GPR179: variants seen among roughly 807,000 people sequenced by gnomAD.
The protein encoded by GPR179 is G protein-coupled receptor 179.
GPR179 carries 52 observed loss-of-function variants against 70.8 expected under a neutral mutation model. That is an observed-to-expected ratio of 0.73 (90% CI 0.59 to 0.93). The LOEUF is 0.93. Among genes scored for constraint, GPR179 ranks in the 40% least tolerant of loss-of-function variants. GPR179 has a pLI of 0.00. For missense variants in GPR179, 2,734 were observed against 2,966.8 expected, an observed-to-expected ratio of 0.92 and a Z score of 1.82; for synonymous variants, 1,123 against 1,169.0, an observed-to-expected ratio of 0.96 and a Z score of 0.80.
intron 4 of GPR179, among the ~76,000 whole-genome samples, chr17:38,336,451 C>A (rs2037405037): frequency 6.6e-6 from 1 of 152,258 alleles, no homozygotes; most frequent in Non-Finnish European, 1.5e-5. Context: ...GAAGGGATCT[C>A]ATGCATTCCT....
In GPR179 at chr17:38,327,249, A is replaced by C; in HGVS notation, c.6320T>G (p.Val2107Gly). The C allele has an allele frequency of 6.2e-7, 1 of 1,614,156 alleles. No individual in the cohort carries two copies. The highest frequency in any genetic ancestry group is 8.5e-7 in the Non-Finnish European group (1 of 1,180,022). The change falls in exon 11 of 11, where the codon GTG (valine) becomes GGG (glycine). Residue 2107 changes from valine to glycine, a missense_variant. Val to Gly is a moderately radical substitution (Grantham distance 109, BLOSUM62 -3). Coordinates refer to ENST00000616987, the MANE Select transcript of GPR179 (RefSeq NM_001004334.4). ...ACACACTTCCGCTACCCTGGTCTCC[A>C]CACTGCCTGCTGCCTCAGAACTGCC... ...SRGSSEAAGSVETRVAEVCLW... is the reference protein window; with the variant it reads ...SRGSSEAAGSGETRVAEVCLW...
At position 38,329,160 on chromosome 17, in the gene GPR179, G is replaced by A. The variant is rs766787200; in HGVS notation, c.4409C>T (p.Ala1470Val). ...AEVCLWEAGD[A>V]PAIQKAEICP... ...GATCTCTGCTTTCTGGATAGCAGGAGCATCTCCTGCCTCCCACAGACACAC... is the reference window on the plus strand; with the variant it reads ...GATCTCTGCTTTCTGGATAGCAGGAACATCTCCTGCCTCCCACAGACACAC... Residue 1470 changes from alanine (A) to valine (V), a missense_variant, in exon 11 of 11, where the codon GCT (alanine) becomes GTT (valine). Coordinates refer to ENST00000616987, the MANE Select transcript of GPR179 (RefSeq NM_001004334.4). 11 of 1,613,822 alleles carry A rather than the reference G, an allele frequency of 6.8e-6. No homozygotes were observed. The highest frequency in any genetic ancestry group is 5.1e-6 in the Non-Finnish European group (6 of 1,180,012).
intron 9 of GPR179, 25 bp from the exon 10 acceptor site, chr17:38,333,422 A>G (rs1435757347): frequency 6.2e-7 from 1 of 1,605,040 alleles, no homozygotes; most frequent in South Asian, 1.1e-5. Flanking sequence ...TAAGAGTGGG[A>G]AAAAGACTCG....
Position 38,339,477 on chromosome 17 carries a change from C to T in GPR179, c.843G>A (p.Gln281=). Reference sequence around the variant, plus strand: ...AGTACCAGCCTGGGCCACTTGCACACTGATTGATGTCCACACTCTGGAGAT... The same window carrying T: ...AGTACCAGCCTGGGCCACTTGCACATTGATTGATGTCCACACTCTGGAGAT... The part of the protein sequence containing the change: ...DVDLQSVDIN[Q]CASGPGWYSN... The change falls in exon 2 of 11, where the codon CAG becomes CAA. Residue 281 remains glutamine (Q), a synonymous_variant. Transcript: ENST00000616987. The T allele has an allele frequency of 6.2e-7, 1 of 1,614,126 alleles. No individual in the cohort carries two copies. The highest frequency in any genetic ancestry group is 8.5e-7 in the Non-Finnish European group (1 of 1,179,998).
chr17:38,330,876 G>A lies in GPR179; in HGVS notation c.2693C>T (p.Pro898Leu), dbSNP rs1325554802. 1.9e-6 allele frequency: 3 copies of A among 1,600,748 alleles called. No individual in the cohort carries two copies. Among genetic ancestry groups the A allele is most frequent in the Admixed American group, 1.7e-5 (1 of 57,840 alleles). Residue 898 changes from proline (P) to leucine (L), a missense_variant, in exon 11 of 11, where the codon CCC becomes CTC. Physicochemically the swap from Pro to Leu is moderately conservative, Grantham distance 98 (BLOSUM62 -3). Coordinates refer to ENST00000616987, the MANE Select transcript of GPR179 (RefSeq NM_001004334.4). ...ARRLERPRGA[P>L]LSAPPSPAKS... ...GGCAGGGGAAGGTGGAGCTGACAGG[G>A]GGGCCCCTCGAGGCCGCTCCAGCCT...
In GPR179 at chr17:38,330,128, G is replaced by A. The variant is rs377711366; in HGVS notation, c.3441C>T (p.Ser1147=). The change falls in exon 11 of 11, where the codon TCC becomes TCT. Residue 1147 remains serine, a synonymous_variant. Coordinates refer to ENST00000616987, the MANE Select transcript of GPR179 (RefSeq NM_001004334.4). ...AVSKQAALIP[S]DDKESLQNQQ... Reference sequence around the variant, plus strand: ...GGTTCTGGAGGGACTCCTTGTCATCGGAGGGGATAAGAGCGGCCTGCTTAC... The same window carrying A: ...GGTTCTGGAGGGACTCCTTGTCATCAGAGGGGATAAGAGCGGCCTGCTTAC... 4.9e-4 allele frequency: 781 copies of A among 1,606,624 alleles called. No homozygotes were observed. The highest frequency in any genetic ancestry group is 5.3e-4 in the Non-Finnish European group (625 of 1,175,998).
At position 38,330,035 on chromosome 17, in the gene GPR179, GTCT is replaced by G. The variant is rs1567723525; in HGVS notation, c.3531_3533del (p.Glu1177del). Reference sequence around the variant, plus strand: ...GACCCTGGGTCATCCTCCTGCCTCTGTCTTCTTGTTCCCTGCTGCCCTCCCGTT... The same window carrying G: ...GACCCTGGGTCATCCTCCTGCCTCTGTCTTGTTCCCTGCTGCCCTCCCGTT... On this transcript the variant is annotated inframe_deletion, in exon 11 of 11. Transcript: ENST00000616987. 7.4e-6 allele frequency: 12 copies of G among 1,614,110 alleles called. No individual in the cohort carries two copies. Among genetic ancestry groups the G allele is most frequent in the Middle Eastern group, 1.6e-4 (1 of 6,084 alleles).
chr17:38,337,519 C>T (rs746518258), intron 3 of GPR179, 114 bp downstream of exon 3: 1 of 928,986 alleles, frequency 1.1e-6, no homozygotes, highest in Non-Finnish European at 1.7e-6. Flanking sequence ...TCTGCCCTTG[C>T]CCCACAAGTT....
chr17:38,331,013 G>A lies in GPR179; in HGVS notation c.2556C>T (p.Leu852=), dbSNP rs777488974. The A allele has an allele frequency of 1.2e-5, 19 of 1,610,920 alleles. No homozygotes were observed. Among genetic ancestry groups the A allele is most frequent in the Non-Finnish European group, 1.4e-5 (17 of 1,179,962 alleles). The change falls in exon 11 of 11, where the codon CTC becomes CTT. Residue 852 remains leucine (L), a synonymous_variant. Transcript: ENST00000616987. ...CCTCCAGGTAGGCCTGGCTGGCCAT[G>A]AGCAAGGCCTTTTCCCTGGAGCTGG... ...SVASSREKAL[L]MASQAYLEET... is the part of the protein sequence containing the mutation.
Position 38,329,943 on chromosome 17 carries a change from T to C in GPR179, c.3626A>G (p.Asp1209Gly), listed in dbSNP as rs1383384736. ...GLAMLRQVSR[D>G]KNIKQSKETP... ...TTCTTTTGATTGCTTGATGTTTTTG[T>C]CCCTGGAAACTTGCCTCAGCATGGC... The change falls in exon 11 of 11, where the codon GAC (aspartate) becomes GGC (glycine). Residue 1209 changes from aspartate (D) to glycine (G), a missense_variant. Transcript: ENST00000616987. The C allele has an allele frequency of 1.2e-6, 2 of 1,614,198 alleles. No homozygotes were observed. The highest frequency in any genetic ancestry group is 1.7e-6 in the Non-Finnish European group (2 of 1,180,034).
At position 38,331,424 on chromosome 17, in the gene GPR179, C is replaced by G. The variant is rs1310412493; in HGVS notation, c.2145G>C (p.Leu715=). The G allele has an allele frequency of 6.2e-7, 1 of 1,614,184 alleles. No individual in the cohort carries two copies. The highest frequency in any genetic ancestry group is 2.2e-5 in the East Asian group (1 of 44,876). ...CCAGGTACCTCATGAAGGAGCGGCC[C>G]AGTCCCTGGCATGAGCTGCCTCGCT... The part of the protein sequence containing the change: ...PKKRGSSCQG[L]GRSFMRYLAE... The change falls in exon 11 of 11, where the codon CTG becomes CTC. Residue 715 remains leucine (L), a synonymous_variant. Coordinates refer to ENST00000616987, the MANE Select transcript of GPR179 (RefSeq NM_001004334.4).
chr17:38,328,015 G>C lies in GPR179; in HGVS notation c.5554C>G (p.Leu1852Val), dbSNP rs765405295. The change falls in exon 11 of 11, where the codon CTC becomes GTC. Residue 1852 changes from leucine to valine, a missense_variant. Physicochemically the swap from Leu to Val is conservative, Grantham distance 32. Coordinates refer to ENST00000616987, the MANE Select transcript of GPR179 (RefSeq NM_001004334.4). ...GATACGTCTTCTCCCAGGGAAGTGA[G>C]TCTCCCCTTTTCTAGAGCTTTCTCC... is the stretch of plus-strand genomic sequence containing the variant. Reference protein sequence around the residue: ...QREKALEKGRLTSLGEDVSKG... With the variant: ...QREKALEKGRVTSLGEDVSKG... 1 of 1,614,004 alleles carries C rather than the reference G, an allele frequency of 6.2e-7. No homozygotes were observed. Among genetic ancestry groups the C allele is most frequent in the Non-Finnish European group, 8.5e-7 (1 of 1,179,954 alleles).
In GPR179 at chr17:38,343,862, G is replaced by T; in HGVS notation, c.-73C>A. ...AGGCAGAGGCTGGCTGCAGTCTGGGGGCTGTCGGCCTCCACGCCTCCTATG... is the reference window on the plus strand; with the variant it reads ...AGGCAGAGGCTGGCTGCAGTCTGGGTGCTGTCGGCCTCCACGCCTCCTATG... On this transcript the variant is annotated 5_prime_UTR_variant, in exon 1 of 11. Transcript: ENST00000616987. The surrounding 1 kb of genome is among the most constrained non-coding windows in gnomAD (Gnocchi z 4.2). 1 of 1,279,186 alleles carries T rather than the reference G, an allele frequency of 7.8e-7. No homozygotes were observed. Among genetic ancestry groups the T allele is most frequent in the African/African-American group, 1.5e-5 (1 of 66,770 alleles). 79.2% of individuals were successfully genotyped at this position (1,279,186 alleles called of 1,614,324 possible). A position where few individuals can be genotyped will look rare whatever the true frequency, so the allele number is the denominator to read the frequency against.
At position 38,330,007 on chromosome 17, in the gene GPR179, C is replaced by T. The variant is rs748066217; in HGVS notation, c.3562G>A (p.Gly1188Arg). ...DRGRRMTQGL[G>R]ERKAERAGKT... ...CCTGCTCTCTCAGCTTTCCGTTCCCCTAGACCCTGGGTCATCCTCCTGCCT... is the reference window on the plus strand; with the variant it reads ...CCTGCTCTCTCAGCTTTCCGTTCCCTTAGACCCTGGGTCATCCTCCTGCCT... Residue 1188 changes from glycine to arginine, a missense_variant, in exon 11 of 11, where the codon GGG becomes AGG. Gly to Arg is a moderately radical substitution (Grantham distance 125). Coordinates refer to ENST00000616987, the MANE Select transcript of GPR179 (RefSeq NM_001004334.4). 8 of 1,614,220 alleles carry T rather than the reference C, an allele frequency of 5.0e-6. No individual in the cohort carries two copies. The highest frequency in any genetic ancestry group is 1.3e-5 in the African/African-American group (1 of 75,040).
chr17:38,330,220 C>CGCTGTTCTGCCCCTCGGG lies in GPR179; in HGVS notation c.3331_3348dup (p.Pro1111_Ser1116dup). On this transcript the variant is annotated inframe_insertion, in exon 11 of 11. Coordinates refer to ENST00000616987, the MANE Select transcript of GPR179 (RefSeq NM_001004334.4). ...GCCCCCATACTCTCTCCCGCAGTCC[C>CGCTGTTCTGCCCCTCGGG]GCTGTTCTGCCCCTCGGGACTCTCC... 6.4e-7 allele frequency: 1 copy of CGCTGTTCTGCCCCTCGGG among 1,572,114 alleles called. No individual in the cohort carries two copies.
chr17:38,343,743 A>G lies in GPR179; in HGVS notation c.47T>C (p.Leu16Pro). 1 of 1,547,014 alleles carries G rather than the reference A, an allele frequency of 6.5e-7. No homozygotes were observed. Among genetic ancestry groups the G allele is most frequent in the Non-Finnish European group, 8.7e-7 (1 of 1,146,350 alleles). Residue 16 changes from leucine (L) to proline (P), a missense_variant, in exon 1 of 11, where the codon CTG (leucine) becomes CCG (proline). By Grantham distance (98) the Leu-to-Pro change is moderately conservative (BLOSUM62 -3). Coordinates refer to ENST00000616987, the MANE Select transcript of GPR179 (RefSeq NM_001004334.4). This position sits in a 1 kb window ranked among gnomAD's most constrained non-coding sequence, Gnocchi z 4.2. ...CCAGGCACAGACAAAACAGCAGCCC[A>G]GCAGCCCCCACATAGGAGGGGGCAT... ...AVMPPPMWGL[L>P]GCCFVCAWAL...
In GPR179 at chr17:38,334,714, G is replaced by C; in HGVS notation, c.1774C>G (p.His592Asp). Residue 592 changes from histidine to aspartate, a missense_variant, in exon 8 of 11, where the codon CAC (histidine) becomes GAC (aspartate). By Grantham distance (81) the His-to-Asp change is moderately conservative (BLOSUM62 -1). Transcript: ENST00000616987. The surrounding 1 kb of genome is among the most constrained non-coding windows in gnomAD (Gnocchi z 4.7). ...HNELLLSAAF[H>D]TARFVLVPSL... ...TGAGTCCGTCCTCACCTGGCTGTGT[G>C]GAAGGCAGCGGAAAGCAGTAGCTCA... The C allele has an allele frequency of 6.2e-7, 1 of 1,613,792 alleles. No individual in the cohort carries two copies. Among genetic ancestry groups the C allele is most frequent in the Non-Finnish European group, 8.5e-7 (1 of 1,179,960 alleles).
chr17:38,328,661 T>C lies in GPR179; in HGVS notation c.4908A>G (p.Glu1636=). 6.2e-7 allele frequency: 1 copy of C among 1,614,200 alleles called. No individual in the cohort carries two copies. Among genetic ancestry groups the C allele is most frequent in the Non-Finnish European group, 8.5e-7 (1 of 1,180,034 alleles). ...KSEIEDVTAW[E]KPEGQIQKQE... ...GCTTTTGGATCTGCCCCTCAGGCTT[T>C]TCCCAAGCTGTGACATCTTCGATTT... The change falls in exon 11 of 11, where the codon GAA becomes GAG. Residue 1636 remains glutamate, a synonymous_variant. Transcript: ENST00000616987.
Position 38,343,586 on chromosome 17 carries a change from G to A in GPR179, c.204C>T (p.Ala68=). Residue 68 remains alanine, a synonymous_variant, in exon 1 of 11, where the codon GCC becomes GCT. Coordinates refer to ENST00000616987, the MANE Select transcript of GPR179 (RefSeq NM_001004334.4). This position sits in a 1 kb window ranked among gnomAD's most constrained non-coding sequence, Gnocchi z 4.2. The part of the protein sequence containing the change: ...AALAYLYSGD[A]QQLSQVNCSE... ...TGCAATTCACCTGTGATAGCTGCTG[G>A]GCATCTCCAGAGTAGAGATAAGCGA... 6.2e-7 allele frequency: 1 copy of A among 1,613,788 alleles called. No homozygotes were observed. The highest frequency in any genetic ancestry group is 1.1e-5 in the South Asian group (1 of 91,080).
Sources: gnomAD v4.1 joint callset for allele counts (sites outside exome capture counted in the v4.1 genomes callset) on GRCh38, gnomAD v4.1.1 for gene constraint, Gnocchi (gnomAD v3.1) non-coding constraint, MANE v1.5 for transcripts, NCBI Gene and HGNC (gene_info 2026-07-23, HGNC 2026-07-21) for gene names.